The following GLRA3 variants were observed in gnomAD, a reference collection of about 807,000 sequenced individuals.
GLRA3 encodes the protein glycine receptor subunit alpha-3.
GLRA3 carries 44 observed loss-of-function variants against 60.4 expected under a neutral mutation model. The observed-to-expected ratio is 0.73, with a 90% CI of 0.57 to 0.94. The LOEUF is 0.94. Ranked by LOEUF, GLRA3 falls within the 40% of genes least tolerant of loss-of-function variation. GLRA3 has a pLI of 0.00. For synonymous variants in GLRA3, 223 were observed against 192.9 expected (o/e 1.16, Z -1.29); for missense variants, 508 against 564.6 (o/e 0.90, Z 1.02).
chr4:174,779,752 A>G (rs532623957), intron 2 of GLRA3, among the ~76,000 whole-genome samples: 24 of 152,136 alleles, frequency 1.6e-4, no homozygotes, highest in Admixed American at 3.9e-4. Flanking sequence ...GCAAGAAGGG[A>G]AGTTTAGAGA....
intron 5 of GLRA3, among the ~76,000 whole-genome samples, chr4:174,683,711 T>C (rs538396588): frequency 2.2e-4 from 33 of 152,222 alleles, no homozygotes; most frequent in Non-Finnish European, 4.6e-4. Flanking sequence ...ATATACAGAT[T>C]GCTCAAGGAT....
rs1336024695 is a variant in GLRA3 at position 174,644,008 on chromosome 4, ACATGGT to A, written c.1167_1172del (p.Pro390_Cys391del). The A allele has an allele frequency of 1.2e-6, 2 of 1,613,772 alleles. No homozygotes were observed. Among genetic ancestry groups the A allele is most frequent in the Non-Finnish European group, 1.7e-6 (2 of 1,179,918 alleles). On this transcript the variant is annotated inframe_deletion, in exon 10 of 10. Transcript: ENST00000274093. ...GAGTCATGCCATCCTTTGCTTGTAGACATGGTCCCATTCCATAGGCTGTGAAGCTGA... is the reference window on the plus strand; with the variant it reads ...GAGTCATGCCATCCTTTGCTTGTAGACCCATTCCATAGGCTGTGAAGCTGA...
chr4:174,724,434 G>A lies in GLRA3; in HGVS notation c.491+4041C>T, dbSNP rs115618799. Among the ~76,000 whole-genome samples the A allele has an allele frequency of 8.8e-3, 1,340 of 152,128 alleles. 20 individuals carry two copies. The highest frequency in any genetic ancestry group is 0.031 in the African/African-American group (1,268 of 41,522). ...CCACAGAAGGGCTATTAGACAGCTC[G>A]AAATCTTACCGGTCTCATTAACTTC... On this transcript the variant is annotated intron_variant, in intron 4 of 9. Coordinates refer to ENST00000274093, the MANE Select transcript of GLRA3 (RefSeq NM_006529.4).
At chr4:174,791,828 A>G (rs1739359210) in intron 1 of GLRA3, among the ~76,000 whole-genome samples, 1 of 152,150 alleles carries the variant, frequency 6.6e-6, no homozygotes, top group South Asian at 2.1e-4. Flanking sequence ...TGGAAATCAT[A>G]TTGTCTTTTC....
chr4:174,681,384 A>G (rs1338609646), intron 6 of GLRA3, among the ~76,000 whole-genome samples: 2 of 152,202 alleles, frequency 1.3e-5, no homozygotes, highest in African/African-American at 4.8e-5. Context: ...TGACTTGAAA[A>G]TAAAGTATTT....
intron 1 of GLRA3, among the ~76,000 whole-genome samples, chr4:174,814,018 G>T (rs1256843087): frequency 6.6e-6 from 1 of 152,172 alleles, no homozygotes; most frequent in South Asian, 2.1e-4. Context: ...GCTTCTGGGC[G>T]CTGGCAGGAG....
intron 1 of GLRA3, among the ~76,000 whole-genome samples, chr4:174,814,651 T>C (rs552703396): frequency 1.9e-4 from 29 of 152,284 alleles, no homozygotes; most frequent in Admixed American, 1.6e-3. Flanking sequence ...ATGTCTTACA[T>C]AGATTGCAGC....
intron 1 of GLRA3, among the ~76,000 whole-genome samples, chr4:174,789,996 G>A (rs981764176): frequency 1.3e-5 from 2 of 152,140 alleles, no homozygotes; most frequent in East Asian, 1.9e-4. Context: ...AAGTACAACT[G>A]GGGCTTAGAG....
chr4:174,743,939 G>A (rs925317084), intron 3 of GLRA3, among the ~76,000 whole-genome samples: 6 of 152,268 alleles, frequency 3.9e-5, no homozygotes, highest in Admixed American at 2.0e-4. Flanking sequence ...TGCAGCTGCA[G>A]CTGTTGCTGC....
At chr4:174,692,261 G>A (rs1734861291) in intron 5 of GLRA3, among the ~76,000 whole-genome samples, 1 of 143,448 alleles carries the variant, frequency 7.0e-6, no homozygotes, top group Admixed American at 6.8e-5. Flanking sequence ...CATCCGCGAG[G>A]GAGGTGGGGG....
At chr4:174,715,625 C>T in intron 4 of GLRA3, 55 bp from the exon 5 acceptor site, 1 of 812,524 alleles carries the variant, frequency 1.2e-6, no homozygotes, top group Admixed American at 2.0e-5. Context: ...TATTAATATT[C>T]TATTGTACAG....
intron 1 of GLRA3, among the ~76,000 whole-genome samples, chr4:174,813,211 A>G (rs1740339649): frequency 6.6e-6 from 1 of 152,214 alleles, no homozygotes; most frequent in Non-Finnish European, 1.5e-5. Context: ...TTCTAATTAA[A>G]TGAGTCATAT....
At position 174,819,796 on chromosome 4, in the gene GLRA3, A is replaced by C. The variant is rs1301903633; in HGVS notation, c.71+8945T>G. Among the ~76,000 whole-genome samples the C allele has an allele frequency of 2.0e-5, 3 of 152,146 alleles. No homozygotes were observed. The East Asian group carries it at 5.8e-4, about 29-fold the overall frequency. ...CTAGAGAATTGGAAACTTATTAGAG[A>C]TTCTGATCCCAGAACTCTGATAGGT... is the stretch of plus-strand genomic sequence containing the variant. On this transcript the variant is annotated intron_variant, in intron 1 of 9. Coordinates refer to ENST00000274093, the MANE Select transcript of GLRA3 (RefSeq NM_006529.4).
At chr4:174,828,088 T>C (rs930181541) in intron 1 of GLRA3, among the ~76,000 whole-genome samples, 1 of 152,170 alleles carries the variant, frequency 6.6e-6, no homozygotes, top group African/African-American at 2.4e-5. Flanking sequence ...AGGATCATGA[T>C]AAGAAAATGA....
chr4:174,806,870 T>C (rs572601611), intron 1 of GLRA3, among the ~76,000 whole-genome samples: 2 of 152,032 alleles, frequency 1.3e-5, no homozygotes, highest in African/African-American at 2.4e-5. Flanking sequence ...TAGTTGTATA[T>C]ATGTGGTAAA....
intron 5 of GLRA3, among the ~76,000 whole-genome samples, chr4:174,709,052 G>A (rs567039777): frequency 6.6e-6 from 1 of 151,778 alleles, no homozygotes; most frequent in South Asian, 2.1e-4. Flanking sequence ...AATTATAATT[G>A]CATTTATGTA....
rs13138904 is a variant in GLRA3, at chr4:174,657,732, G to A, written c.1072-945C>T. Among the ~76,000 whole-genome samples the A allele has an allele frequency of 3.3e-3, 496 of 152,202 alleles. 3 individuals are homozygous for A. The highest frequency in any genetic ancestry group is 5.5e-3 in the Non-Finnish European group (373 of 67,990). On this transcript the variant is annotated intron_variant, in intron 8 of 9. Transcript: ENST00000274093. ...AAATGTAACAGACCAGTAGACCAGG[G>A]TGAGGTGAGGGAAGAAGATAAAGTT...
intron 1 of GLRA3, among the ~76,000 whole-genome samples, chr4:174,802,080 C>T (rs1468759508): frequency 6.6e-6 from 1 of 151,634 alleles, no homozygotes; most frequent in Non-Finnish European, 1.5e-5. Context: ...AGAAGTCAAG[C>T]CTCAGAATTT....
At chr4:174,754,505 A>G (rs1446399148) in intron 3 of GLRA3, among the ~76,000 whole-genome samples, 1 of 152,186 alleles carries the variant, frequency 6.6e-6, no homozygotes, top group Non-Finnish European at 1.5e-5. Context: ...CTGTTCCAAA[A>G]GAACTGAAAT....
Sources: gnomAD v4.1 joint callset for allele counts (sites outside exome capture counted in the v4.1 genomes callset) on GRCh38, gnomAD v4.1.1 for gene constraint, MANE v1.5 for transcripts, NCBI Gene and HGNC (gene_info 2026-07-23, HGNC 2026-07-21) for gene names.